The following ARHGEF11 variants were observed in gnomAD, a reference collection of about 807,000 sequenced individuals.
The protein encoded by ARHGEF11 is Rho guanine exchange factor (GEF) 11.
In ARHGEF11, 55 loss-of-function variants were observed where a neutral mutation model predicts 193.7. That is an observed-to-expected ratio of 0.28 (90% CI 0.23 to 0.36). ARHGEF11 has a LOEUF of 0.36. ARHGEF11 is among the 10% of genes least tolerant of loss of function. The pLI is 1.00. For missense variants in ARHGEF11, 1,723 were observed against 2,005.6 expected, an observed-to-expected ratio of 0.86 and a Z score of 2.69; for synonymous variants, 693 against 768.0, an observed-to-expected ratio of 0.90 and a Z score of 1.62.
At chr1:157,020,188 G>A (rs1158456828) in intron 1 of ARHGEF11, among the ~76,000 whole-genome samples, 1 of 152,042 alleles carries the variant, frequency 6.6e-6, no homozygotes, top group Non-Finnish European at 1.5e-5. Context: ...ACTTTTGGAG[G>A]TGATGGGTAT....
intron 7 of ARHGEF11, among the ~76,000 whole-genome samples, chr1:156,976,699 C>T (rs1174937203): frequency 6.6e-6 from 1 of 152,186 alleles, no homozygotes; most frequent in African/African-American, 2.4e-5. Context: ...CCTTCCCTTC[C>T]TTGGAAATGT....
intron 38 of ARHGEF11, among the ~76,000 whole-genome samples, chr1:156,937,907 C>T (rs1257783500): frequency 6.6e-6 from 1 of 152,210 alleles, no homozygotes; most frequent in Non-Finnish European, 1.5e-5. Context: ...CCCTGCCCTG[C>T]CCCTCTTCCA....
intron 8 of ARHGEF11, 44 bp from the exon 9 acceptor site, chr1:156,970,087 C>A: frequency 6.4e-7 from 1 of 1,573,848 alleles, no homozygotes; most frequent in Non-Finnish European, 8.7e-7. Context: ...CTGTGAGCCT[C>A]TCCCCCTACG....
chr1:156,968,215 T>A, intron 10 of ARHGEF11, 91 bp from the exon 11 acceptor site: 1 of 1,424,622 alleles, frequency 7.0e-7, no homozygotes, highest in Non-Finnish European at 9.5e-7. Context: ...TAACCATACT[T>A]ATAACATCAG....
At chr1:156,942,143 C>A (rs936611439) in intron 33 of ARHGEF11, among the ~76,000 whole-genome samples, 154 bp from the exon 34 acceptor site, 7 of 152,324 alleles carry the variant, frequency 4.6e-5, no homozygotes, top group African/African-American at 1.7e-4. Context: ...CTGGCTGCTC[C>A]CTTGCGGTTA....
At chr1:156,939,967 G>A in intron 36 of ARHGEF11, 57 bp from the exon 37 acceptor site, 3 of 1,580,760 alleles carry the variant, frequency 1.9e-6, no homozygotes, top group Non-Finnish European at 2.6e-6. Context: ...CACGCCAGAA[G>A]GATCGTTGTA....
intron 3 of ARHGEF11, among the ~76,000 whole-genome samples, chr1:156,981,374 G>A (rs1364946302): frequency 6.6e-6 from 1 of 152,078 alleles, no homozygotes; most frequent in South Asian, 2.1e-4. Context: ...ACCAAATTAA[G>A]AGCTTCTGAT....
chr1:157,007,077 C>T (rs1385411879), intron 1 of ARHGEF11, among the ~76,000 whole-genome samples: 1 of 152,138 alleles, frequency 6.6e-6, no homozygotes, highest in East Asian at 1.9e-4. Flanking sequence ...AACTCCTCAC[C>T]TGTGTCACAC....
At chr1:156,968,236 T>C (rs920597559) in intron 10 of ARHGEF11, 112 bp from the exon 11 acceptor site, 1 of 1,203,850 alleles carries the variant, frequency 8.3e-7, no homozygotes, top group Non-Finnish European at 1.2e-6. Context: ...CTAAGAGAAG[T>C]GCAGTACTTG....
intron 21 of ARHGEF11, among the ~76,000 whole-genome samples, chr1:156,954,319 G>C (rs1017653762): frequency 1.4e-5 from 2 of 141,118 alleles, no homozygotes; most frequent in Non-Finnish European, 3.1e-5. Flanking sequence ...GGCGGAGTTT[G>C]TAGTGAGGCA....
rs373960987 is a variant in ARHGEF11 at position 156,945,010 on chromosome 1, G to A, written c.2991+9C>T. 3.0e-5 allele frequency: 48 copies of A among 1,612,120 alleles called. No homozygotes were observed. The African/African-American group carries it at 6.4e-4, about 22-fold the overall frequency. On this transcript the variant is annotated intron_variant, in intron 30 of 40. Transcript: ENST00000368194. Reference sequence around the variant, plus strand: ...TGAGGGGTTGACTGCTGCAGCCTCTGCCTCCTACCTTGAACTCTGCTGCCA... The same window carrying A: ...TGAGGGGTTGACTGCTGCAGCCTCTACCTCCTACCTTGAACTCTGCTGCCA...
At chr1:157,032,554 T>C (rs1162198262) in intron 1 of ARHGEF11, among the ~76,000 whole-genome samples, 1 of 152,156 alleles carries the variant, frequency 6.6e-6, no homozygotes. Flanking sequence ...ATTCTAAAGA[T>C]TGAGAACCTC....
chr1:156,940,101 C>T (rs1656481591), intron 36 of ARHGEF11, 106 bp downstream of exon 36: 1 of 1,428,422 alleles, frequency 7.0e-7, no homozygotes, highest in Non-Finnish European at 9.4e-7. Flanking sequence ...TCCTCAAGCA[C>T]ACCAGGAAGA....
At chr1:157,015,050 C>G (rs1386184236) in intron 1 of ARHGEF11, among the ~76,000 whole-genome samples, 2 of 152,180 alleles carry the variant, frequency 1.3e-5, no homozygotes, top group African/African-American at 4.8e-5. Flanking sequence ...CACCTCTGTC[C>G]TCCTCTCGTA....
chr1:156,950,760 G>A (rs1316661625), intron 22 of ARHGEF11, among the ~76,000 whole-genome samples: 1 of 152,190 alleles, frequency 6.6e-6, no homozygotes. Context: ...CCAGCTCAGT[G>A]GCTCTGAGGC....
At chr1:157,031,148 G>A (rs1262423770) in intron 1 of ARHGEF11, among the ~76,000 whole-genome samples, 6 of 152,148 alleles carry the variant, frequency 3.9e-5, no homozygotes, top group African/African-American at 1.2e-4. Flanking sequence ...AAGTTCCAGT[G>A]TATCCCCAGT....
At chr1:156,987,509 T>C (rs1665103462) in intron 1 of ARHGEF11, among the ~76,000 whole-genome samples, 3 of 152,170 alleles carry the variant, frequency 2.0e-5, no homozygotes, top group Admixed American at 2.0e-4. Context: ...ATCTAAAATA[T>C]CTCTGGAAGA....
intron 31 of ARHGEF11, 85 bp downstream of exon 31, chr1:156,944,273 G>A: frequency 1.3e-6 from 2 of 1,501,668 alleles, no homozygotes; most frequent in Admixed American, 1.8e-5. Context: ...CTCCAGTCAT[G>A]TTTCCATGCT....
At chr1:156,984,725 G>A (rs934262345) in intron 2 of ARHGEF11, among the ~76,000 whole-genome samples, 3 of 152,076 alleles carry the variant, frequency 2.0e-5, no homozygotes, top group Non-Finnish European at 1.5e-5. Context: ...TGGTGTGCCC[G>A]GGTGAGACTG....
Sources: gnomAD v4.1 joint callset for allele counts (sites outside exome capture counted in the v4.1 genomes callset) on GRCh38, gnomAD v4.1.1 for gene constraint, MANE v1.5 for transcripts, NCBI Gene and HGNC (gene_info 2026-07-23, HGNC 2026-07-21) for gene names.